TMTC2: variants seen among roughly 807,000 people sequenced by gnomAD.
TMTC2 encodes protein O-mannosyl-transferase TMTC2.
TMTC2 carries 43 observed loss-of-function variants against 82.4 expected under a neutral mutation model. That is an observed-to-expected ratio of 0.52 (90% CI 0.41 to 0.67). The LOEUF (loss-of-function observed/expected upper bound fraction) is 0.67. Among genes scored for constraint, TMTC2 ranks in the 30% least tolerant of loss-of-function variants. TMTC2 has a pLI of 0.00. For missense variants in TMTC2, 919 were observed against 1,012.4 expected (o/e 0.91, Z 1.25); for synonymous variants, 408 against 381.9 (o/e 1.07, Z -0.80).
At chr12:83,023,868 T>C (rs1370613119) in intron 8 of TMTC2, among the ~76,000 whole-genome samples, 7 of 152,178 alleles carry the variant, frequency 4.6e-5, no homozygotes. Context: ...TTAGGATGTT[T>C]AGGAAGAGAG....
At chr12:82,728,112 G>A (rs1451479429) in intron 1 of TMTC2, among the ~76,000 whole-genome samples, 3 of 127,558 alleles carry the variant, frequency 2.4e-5, no homozygotes, top group East Asian at 6.7e-4. Flanking sequence ...TTAGAATTGC[G>A]CACATTAGAA....
At chr12:82,775,481 A>G (rs921211799) in intron 1 of TMTC2, among the ~76,000 whole-genome samples, 2 of 151,956 alleles carry the variant, frequency 1.3e-5, no homozygotes, top group African/African-American at 4.8e-5. Flanking sequence ...AAAAAGAGAA[A>G]CAAGATTTCC....
chr12:82,967,079 T>C, intron 7 of TMTC2, 82 bp downstream of exon 7: 1 of 1,057,334 alleles, frequency 9.5e-7, no homozygotes, highest in Non-Finnish European at 1.4e-6. Context: ...TTTAATGGAA[T>C]TCTAATAAAT....
At chr12:82,755,804 A>G (rs532214585) in intron 1 of TMTC2, among the ~76,000 whole-genome samples, 6 of 152,146 alleles carry the variant, frequency 3.9e-5, no homozygotes, top group Admixed American at 6.5e-5. Flanking sequence ...CCAAGAGCTA[A>G]CTTTTGTTAT....
chr12:83,059,033 C>A (rs1882643721), intron 10 of TMTC2, among the ~76,000 whole-genome samples: 3 of 151,626 alleles, frequency 2.0e-5, no homozygotes, highest in African/African-American at 7.3e-5. Context: ...TAGAAATTTT[C>A]TGTCCCAAAA....
rs112725894 is a variant in TMTC2, at chr12:83,125,109, C to T, written c.2332-7101C>T. Reference sequence around the variant, plus strand: ...GGCTAGCTAGGAGCTGCTGTCCTCCCGTATTCATTCATCCAGGATTTACCA... The same window carrying T: ...GGCTAGCTAGGAGCTGCTGTCCTCCTGTATTCATTCATCCAGGATTTACCA... On this transcript the variant is annotated intron_variant, in intron 11 of 11. Coordinates refer to ENST00000321196, the MANE Select transcript of TMTC2 (RefSeq NM_152588.3). Among the ~76,000 whole-genome samples the T allele has an allele frequency of 1.6e-4, 24 of 152,286 alleles. No homozygotes were observed. In the East Asian group the frequency reaches 3.5e-3, roughly 22 times the overall value.
intron 11 of TMTC2, among the ~76,000 whole-genome samples, chr12:83,080,173 A>G (rs1231919830): frequency 6.6e-6 from 1 of 152,196 alleles, no homozygotes; most frequent in African/African-American, 2.4e-5. Context: ...CCTCAGCACT[A>G]TAGTACCACA....
chr12:82,762,202 C>T (rs1425723964), intron 1 of TMTC2, among the ~76,000 whole-genome samples: 3 of 152,012 alleles, frequency 2.0e-5, no homozygotes, highest in Admixed American at 1.3e-4. Flanking sequence ...CTCCTGAACT[C>T]GTGATCCACC....
intron 2 of TMTC2, among the ~76,000 whole-genome samples, chr12:82,880,291 C>A (rs1796184): frequency 0.15 from 22,172 of 152,040 alleles, 4,932 homozygotes; most frequent in African/African-American, 0.48. Context: ...CGTCTAGTAC[C>A]TCCTGTAATT....
rs373447929 is a variant in TMTC2 at position 82,941,410 on chromosome 12, G to A, written c.1598+10865G>A. On this transcript the variant is annotated intron_variant, in intron 4 of 11. Coordinates refer to ENST00000321196, the MANE Select transcript of TMTC2 (RefSeq NM_152588.3). ...AATAAACTAATGAATGAATTAATAA[G>A]CTAATGAGTTAAATCATGCATATGT... Among the ~76,000 whole-genome samples, 10 of 152,272 alleles carry A rather than the reference G, an allele frequency of 6.6e-5. No individual in the cohort carries two copies. The East Asian group carries it at 1.4e-3, about 21-fold the overall frequency.
intron 1 of TMTC2, among the ~76,000 whole-genome samples, chr12:82,819,785 T>C (rs1253389073): frequency 6.6e-6 from 1 of 152,042 alleles, no homozygotes; most frequent in African/African-American, 2.4e-5. Flanking sequence ...TTACAGGTGT[T>C]GTGAACCACC....
At chr12:82,741,337 A>C (rs1338204042) in intron 1 of TMTC2, among the ~76,000 whole-genome samples, 1 of 151,960 alleles carries the variant, frequency 6.6e-6, no homozygotes, top group Non-Finnish European at 1.5e-5. Context: ...TTTAGACGGA[A>C]TCTTGCTCTG....
intron 4 of TMTC2, among the ~76,000 whole-genome samples, chr12:82,943,304 A>G (rs1876822866): frequency 1.3e-5 from 2 of 152,204 alleles, no homozygotes; most frequent in Non-Finnish European, 1.5e-5. Flanking sequence ...ACATTCATCT[A>G]AGACAGCCTG....
At chr12:83,061,907 A>C (rs1882758796) in intron 11 of TMTC2, 76 bp downstream of exon 11, 1 of 1,138,550 alleles carries the variant, frequency 8.8e-7, no homozygotes, top group Non-Finnish European at 1.2e-6. Context: ...AAGCATCATG[A>C]TACTGGTTTT....
At chr12:82,915,495 C>T (rs1217028464) in intron 3 of TMTC2, among the ~76,000 whole-genome samples, 1 of 152,162 alleles carries the variant, frequency 6.6e-6, no homozygotes, top group Admixed American at 6.5e-5. Flanking sequence ...ATCAAAGTTC[C>T]TTTAGTGACT....
rs553810035 is a variant in TMTC2, at chr12:83,032,611, C to G, written c.2152+1732C>G. Among the ~76,000 whole-genome samples, 6 of 152,216 alleles carry G rather than the reference C, an allele frequency of 3.9e-5. No homozygotes were observed. In the South Asian group the frequency reaches 1.2e-3, roughly 32 times the overall value. On this transcript the variant is annotated intron_variant, in intron 9 of 11. Coordinates refer to ENST00000321196, the MANE Select transcript of TMTC2 (RefSeq NM_152588.3). ...CCAGGCTGGTGTGCAATGGCACGAT[C>G]TCGGCTCACTGCAACCTCCACCTCC...
chr12:82,904,919 C>G (rs1394794885), intron 3 of TMTC2, among the ~76,000 whole-genome samples: 1 of 151,118 alleles, frequency 6.6e-6, no homozygotes, highest in East Asian at 1.9e-4. Context: ...TTTCCGACAG[C>G]TTTCTCTCTT....
chr12:82,983,712 G>A (rs1879031256), intron 7 of TMTC2, among the ~76,000 whole-genome samples: 2 of 151,956 alleles, frequency 1.3e-5, no homozygotes, highest in African/African-American at 4.8e-5. Flanking sequence ...ATAAGCACTT[G>A]AAGATCCAAA....
At chr12:83,119,890 A>G (rs989533773) in intron 11 of TMTC2, among the ~76,000 whole-genome samples, 1 of 152,112 alleles carries the variant, frequency 6.6e-6, no homozygotes, top group Non-Finnish European at 1.5e-5. Context: ...TCATTATGTA[A>G]TGTCCCTCTT....
Sources: gnomAD v4.1 joint callset for allele counts (sites outside exome capture counted in the v4.1 genomes callset) on GRCh38, gnomAD v4.1.1 for gene constraint, MANE v1.5 for transcripts, NCBI Gene and HGNC (gene_info 2026-07-23, HGNC 2026-07-21) for gene names.